Variants in ZNF611 observed in about 807,000 individuals in gnomAD.
The protein encoded by ZNF611 is zinc finger protein 611.
In ZNF611, 6 loss-of-function variants were observed where a neutral mutation model predicts 8.9. The ratio of observed to expected loss-of-function variants is 0.68; its 90% CI spans 0.37 to 1.34. The LOEUF (loss-of-function observed/expected upper bound fraction) is 1.34. ZNF611 is among the 40% of genes most tolerant of loss of function. The pLI, the probability that ZNF611 is intolerant of heterozygous loss-of-function variation, is 0.02. For missense variants in ZNF611, 874 were observed against 841.3 expected (o/e 1.04, Z -0.48); for synonymous variants, 262 against 279.7 (o/e 0.94, Z 0.63).
rs1393946248 is a variant in ZNF611 at position 52,725,010 on chromosome 19, TTC to T, written c.-20+3718_-20+3719del. On this transcript the variant is annotated intron_variant, in intron 3 of 5. Coordinates refer to ENST00000652185, the MANE Select transcript of ZNF611 (RefSeq NM_001161499.2). The stretch of plus-strand genomic sequence containing the variant: ...GTTACGGGCCTTTCTCATTCTTCTT[TTC>T]TCTGTCTCTGGTTTTCTACTGCTCT... 1.1e-4 allele frequency among the ~76,000 whole-genome samples: 17 copies of T among 152,288 alleles called. No individual in the cohort carries two copies. In the South Asian group the frequency reaches 2.9e-3, roughly 26 times the overall value.
chr19:52,707,159 C>G (rs1204594412), intron 5 of ZNF611, among the ~76,000 whole-genome samples: 1 of 149,524 alleles, frequency 6.7e-6, no homozygotes, highest in Non-Finnish European at 1.5e-5. Flanking sequence ...AACTGTATCA[C>G]AATTTGCAAA....
intron 3 of ZNF611, chr19:52,723,491 G>A (rs969742080): frequency 4.0e-5 from 6 of 151,870 alleles, no homozygotes; most frequent in Admixed American, 3.3e-4. Context: ...CTGGACCTCA[G>A]GTGATCCGCC....
intron 3 of ZNF611, among the ~76,000 whole-genome samples, chr19:52,722,437 GTT>G (rs1024067882): frequency 6.6e-6 from 1 of 151,952 alleles, no homozygotes; most frequent in Non-Finnish European, 1.5e-5. Context: ...ACAGAAAGTT[GTT>G]TTTTTCTTTT....
chr19:52,706,528 A>G lies in ZNF611; in HGVS notation c.527T>C (p.Ile176Thr). 1 of 1,614,154 alleles carries G rather than the reference A, an allele frequency of 6.2e-7. No individual in the cohort carries two copies. The highest frequency in any genetic ancestry group is 8.5e-7 in the Non-Finnish European group (1 of 1,180,030). Reference sequence around the variant, plus strand: ...AGTAGACTTCTCAAGTTGATTACCAATTTCACCTTTGATCTGAAATATGTG... The same window carrying G: ...AGTAGACTTCTCAAGTTGATTACCAGTTTCACCTTTGATCTGAAATATGTG... Reference protein sequence around the residue: ...ELHIFQIKGEIGNQLEKSTND... With the variant: ...ELHIFQIKGETGNQLEKSTND... The change falls in exon 6 of 6, where the codon ATT (isoleucine) becomes ACT (threonine). Residue 176 changes from isoleucine to threonine, a missense_variant. Ile to Thr is a moderately conservative substitution (Grantham distance 89). Coordinates refer to ENST00000652185, the MANE Select transcript of ZNF611 (RefSeq NM_001161499.2).
intron 3 of ZNF611, among the ~76,000 whole-genome samples, chr19:52,723,253 CTTTT>C (rs56217135): frequency 2.9e-5 from 3 of 103,182 alleles, no homozygotes; most frequent in Non-Finnish European, 5.6e-5. Context: ...CTTATTTAAC[CTTTT>C]TTTTTTTTTT....
chr19:52,712,476 A>T (rs1211036097), intron 5 of ZNF611, among the ~76,000 whole-genome samples: 1 of 147,558 alleles, frequency 6.8e-6, no homozygotes, highest in East Asian at 2.0e-4. Context: ...AAAAAAAAAA[A>T]AAAAAAAAAA....
intron 1 of ZNF611, among the ~76,000 whole-genome samples, chr19:52,731,594 C>T (rs2062426093): frequency 6.6e-6 from 1 of 151,872 alleles, no homozygotes; most frequent in Non-Finnish European, 1.5e-5. Flanking sequence ...GTATCGAACT[C>T]CTGACCTCGT....
At chr19:52,714,830 T>C (rs1173736431) in intron 4 of ZNF611, among the ~76,000 whole-genome samples, 1 of 151,454 alleles carries the variant, frequency 6.6e-6, no homozygotes. Context: ...AAACCATGTC[T>C]CTACTAAAAA....
At chr19:52,715,130 A>G (rs2062308102) in intron 4 of ZNF611, among the ~76,000 whole-genome samples, 1 of 152,208 alleles carries the variant, frequency 6.6e-6, no homozygotes, top group Non-Finnish European at 1.5e-5. Context: ...GTGGTGCTTC[A>G]GAGAGGACAA....
intron 3 of ZNF611, among the ~76,000 whole-genome samples, chr19:52,725,491 T>TAGG (rs1458374072): frequency 6.6e-6 from 1 of 152,180 alleles, no homozygotes; most frequent in Non-Finnish European, 1.5e-5. Flanking sequence ...AACTATGCGA[T>TAGG]AGGAAGTGTA....
At chr19:52,717,591 G>C (rs1386041542) in intron 3 of ZNF611, 1 of 733,710 alleles carries the variant, frequency 1.4e-6, no homozygotes, top group Non-Finnish European at 1.7e-6. Flanking sequence ...CACTGAAAAA[G>C]AGGCAGCTGT....
chr19:52,725,282 G>A (rs560142817), intron 3 of ZNF611, among the ~76,000 whole-genome samples: 3 of 152,276 alleles, frequency 2.0e-5, no homozygotes, highest in African/African-American at 4.8e-5. Flanking sequence ...AGTGGGAGAC[G>A]GCGCCTTAAG....
chr19:52,734,109 T>C (rs567926811), intron 1 of ZNF611, among the ~76,000 whole-genome samples: 15 of 115,176 alleles, frequency 1.3e-4, no homozygotes, highest in African/African-American at 5.5e-4. Flanking sequence ...CCCTACCTTG[T>C]GATCCTTCAT....
chr19:52,734,701 G>A (rs891883620), intron 1 of ZNF611, among the ~76,000 whole-genome samples: 5 of 152,242 alleles, frequency 3.3e-5, no homozygotes, highest in African/African-American at 1.2e-4. Flanking sequence ...CACATCGCGG[G>A]TGAAGACTTT....
At chr19:52,714,221 T>A in intron 4 of ZNF611, 80 bp from the exon 5 acceptor site, 1 of 1,574,332 alleles carries the variant, frequency 6.4e-7, no homozygotes, top group South Asian at 1.2e-5. Context: ...AATGAGAAAA[T>A]AAGTATTTAT....
At position 52,732,253 on chromosome 19, in the gene ZNF611, G is replaced by C. The variant is rs557064290; in HGVS notation, c.-221-2248C>G. Among the ~76,000 whole-genome samples the C allele has an allele frequency of 1.3e-3, 203 of 152,100 alleles. 9 individuals are homozygous for C. Among genetic ancestry groups the C allele is most frequent in the African/African-American group, 4.3e-3 (179 of 41,462 alleles). Reference sequence around the variant, plus strand: ...CCACTGCACTCCAGCCTGGGTGACAGAGCAAAACTCCATCTCAAAAAAGAA... The same window carrying C: ...CCACTGCACTCCAGCCTGGGTGACACAGCAAAACTCCATCTCAAAAAAGAA... On this transcript the variant is annotated intron_variant, in intron 1 of 5. Transcript: ENST00000652185.
chr19:52,718,799 AAAAC>A lies in ZNF611; in HGVS notation c.-19-2890_-19-2887del, dbSNP rs548811105. Among the ~76,000 whole-genome samples, 212 of 151,698 alleles carry A rather than the reference AAAAC, an allele frequency of 1.4e-3. 2 individuals are homozygous for A. In the Middle Eastern group the frequency reaches 0.02, roughly 15 times the overall value. ...GGCAACAAGAGCAAAACTCAGTCAA[AAAAC>A]AAACAAACAAACAAAAAACAAAAAA... On this transcript the variant is annotated intron_variant, in intron 3 of 5. Transcript: ENST00000652185.
intron 3 of ZNF611, among the ~76,000 whole-genome samples, chr19:52,718,951 T>A (rs2062336248): frequency 6.6e-6 from 1 of 152,168 alleles, no homozygotes; most frequent in Admixed American, 6.6e-5. Context: ...GGCGGGTGGA[T>A]CACGGGGTCA....
chr19:52,726,307 G>T (rs956658694), intron 3 of ZNF611, among the ~76,000 whole-genome samples: 1 of 152,218 alleles, frequency 6.6e-6, no homozygotes, highest in East Asian at 1.9e-4. Flanking sequence ...AGCAGCGGCG[G>T]GAGAATCGCT....
Sources: allele counts gnomAD v4.1 joint callset (sites outside exome capture counted in the v4.1 genomes callset), GRCh38; gene constraint gnomAD v4.1.1; transcripts MANE v1.5; gene names NCBI Gene and HGNC (gene_info 2026-07-23, HGNC 2026-07-21).